The following ZBTB20 variants were observed in gnomAD, a reference collection of about 807,000 sequenced individuals.
The protein encoded by ZBTB20 is zinc finger and BTB domain-containing protein 20.
Under a neutral mutation model 56.9 loss-of-function variants are expected in ZBTB20, and 9 were observed. That is an observed-to-expected ratio of 0.16 (90% CI 0.10 to 0.28). The LOEUF is 0.28. Ranked by LOEUF, ZBTB20 falls within the 10% of genes least tolerant of loss-of-function variation. The pLI is 1.00. For missense variants in ZBTB20, 655 were observed against 1,003.0 expected, an observed-to-expected ratio of 0.65 and a Z score of 4.69; for synonymous variants, 417 against 420.7, an observed-to-expected ratio of 0.99 and a Z score of 0.11.
chr3:114,994,642 T>G (rs1014224256), intron 2 of ZBTB20, among the ~76,000 whole-genome samples: 1 of 151,960 alleles, frequency 6.6e-6, no homozygotes, highest in East Asian at 1.9e-4. Flanking sequence ...TCTTTAAGTT[T>G]ATTATTATTG....
At chr3:114,594,008 C>A (rs2056071079) in intron 6 of ZBTB20, among the ~76,000 whole-genome samples, 1 of 152,154 alleles carries the variant, frequency 6.6e-6, no homozygotes, top group Non-Finnish European at 1.5e-5. Flanking sequence ...TAGAATCAGG[C>A]ATATTCCATC....
intron 2 of ZBTB20, among the ~76,000 whole-genome samples, chr3:115,038,462 T>C (rs2081015997): frequency 6.6e-6 from 1 of 152,090 alleles, no homozygotes; most frequent in Non-Finnish European, 1.5e-5. Context: ...TAGATGTAAA[T>C]ACAATTAGTA....
chr3:114,361,260 C>T (rs1320185473), intron 10 of ZBTB20, among the ~76,000 whole-genome samples: 1 of 152,156 alleles, frequency 6.6e-6, no homozygotes, highest in African/African-American at 2.4e-5. Flanking sequence ...TTTTACTTCT[C>T]TTCTGCTGAA....
At chr3:114,815,740 C>A (rs996064574) in intron 4 of ZBTB20, among the ~76,000 whole-genome samples, 6 of 152,154 alleles carry the variant, frequency 3.9e-5, no homozygotes, top group African/African-American at 9.6e-5. Context: ...AAAACACGCA[C>A]ACGCACACAC....
intron 6 of ZBTB20, among the ~76,000 whole-genome samples, chr3:114,601,640 G>C (rs1461839897): frequency 6.6e-6 from 1 of 151,982 alleles, no homozygotes; most frequent in Non-Finnish European, 1.5e-5. Flanking sequence ...AGATAAAACA[G>C]AGATGAGTTA....
At chr3:114,951,093 G>C (rs1201005626) in intron 3 of ZBTB20, among the ~76,000 whole-genome samples, 1 of 152,002 alleles carries the variant, frequency 6.6e-6, no homozygotes, top group Non-Finnish European at 1.5e-5. Flanking sequence ...TTGGTCTGGT[G>C]CTGCTTACAT....
At chr3:114,383,063 T>C (rs1267570279) in intron 8 of ZBTB20, among the ~76,000 whole-genome samples, 1 of 152,232 alleles carries the variant, frequency 6.6e-6, no homozygotes, top group African/African-American at 2.4e-5. Context: ...GGTCATAGTC[T>C]GAATCCCAAT....
At chr3:114,903,104 C>T (rs1400182489) in intron 3 of ZBTB20, among the ~76,000 whole-genome samples, 3 of 152,050 alleles carry the variant, frequency 2.0e-5, no homozygotes, top group African/African-American at 4.8e-5. Flanking sequence ...GACTGGGGCT[C>T]AGAGTTCTGG....
chr3:115,069,428 ACCT>A (rs2082325278), intron 2 of ZBTB20, among the ~76,000 whole-genome samples: 1 of 152,066 alleles, frequency 6.6e-6, no homozygotes, highest in South Asian at 2.1e-4. Context: ...CATTCCACAC[ACCT>A]CCACTAATAT....
intron 6 of ZBTB20, among the ~76,000 whole-genome samples, chr3:114,584,607 T>C (rs1475438746): frequency 1.3e-5 from 2 of 152,118 alleles, no homozygotes; most frequent in African/African-American, 2.4e-5. Context: ...AGGTATAGAT[T>C]ACATCAAGAG....
chr3:114,456,463 T>A (rs986052572), intron 7 of ZBTB20, among the ~76,000 whole-genome samples: 1 of 152,160 alleles, frequency 6.6e-6, no homozygotes, highest in African/African-American at 2.4e-5. Context: ...GTTTTTCTCA[T>A]ACACCTCGTT....
At chr3:114,709,443 G>A (rs1186891698) in intron 5 of ZBTB20, among the ~76,000 whole-genome samples, 1 of 152,152 alleles carries the variant, frequency 6.6e-6, no homozygotes, top group African/African-American at 2.4e-5. Context: ...AGGCAGAGAT[G>A]TGGAGAAAAT....
intron 1 of ZBTB20, among the ~76,000 whole-genome samples, chr3:115,083,401 T>G (rs9839532): frequency 5.0e-4 from 76 of 152,120 alleles, no homozygotes; most frequent in Non-Finnish European, 8.8e-4. Context: ...GCCATCAAAC[T>G]ATACTGTTTC....
At chr3:114,886,017 G>C (rs1409963819) in intron 4 of ZBTB20, among the ~76,000 whole-genome samples, 6 of 152,182 alleles carry the variant, frequency 3.9e-5, no homozygotes, top group Non-Finnish European at 8.8e-5. Context: ...GAAAGGGTCA[G>C]CAAATGCTTC....
At chr3:115,007,029 T>G (rs767724753) in intron 2 of ZBTB20, among the ~76,000 whole-genome samples, 2 of 151,902 alleles carry the variant, frequency 1.3e-5, no homozygotes, top group African/African-American at 2.4e-5. Context: ...GTAAACTTAA[T>G]GATGAGAATA....
chr3:114,987,535 A>C (rs997087749), intron 2 of ZBTB20, among the ~76,000 whole-genome samples: 9 of 152,222 alleles, frequency 5.9e-5, no homozygotes, highest in African/African-American at 2.2e-4. Flanking sequence ...TGAAGTGCTC[A>C]CATTTCACTT....
chr3:114,445,517 GC>G (rs1218519595), intron 7 of ZBTB20: 1 of 152,150 alleles, frequency 6.6e-6, no homozygotes, highest in Non-Finnish European at 1.5e-5. Context: ...GCACCTCAGT[GC>G]AATGAAATTG....
chr3:114,639,482 T>A (rs1215585127), intron 6 of ZBTB20, among the ~76,000 whole-genome samples: 1 of 65,796 alleles, frequency 1.5e-5, no homozygotes, highest in East Asian at 4.8e-4. Flanking sequence ...TTTTTTTTTT[T>A]CTCTCCTAGA....
chr3:114,763,663 T>C (rs1191952130), intron 5 of ZBTB20, among the ~76,000 whole-genome samples: 1 of 152,138 alleles, frequency 6.6e-6, no homozygotes, highest in Non-Finnish European at 1.5e-5. Context: ...TTAAACAGTA[T>C]ATTGGAATAA....
Sources: gnomAD v4.1 joint callset for allele counts (sites outside exome capture counted in the v4.1 genomes callset) on GRCh38, gnomAD v4.1.1 for gene constraint, MANE v1.5 for transcripts, NCBI Gene and HGNC (gene_info 2026-07-23, HGNC 2026-07-21) for gene names.